PCDH9: variants seen among roughly 807,000 people sequenced by gnomAD.
The protein encoded by PCDH9 is protocadherin-9.
Under a neutral mutation model 70.6 loss-of-function variants are expected in PCDH9, and 24 were observed. The observed-to-expected ratio is 0.34, with a 90% CI of 0.25 to 0.48. PCDH9 has a LOEUF of 0.48. PCDH9 is among the 20% of genes least tolerant of loss of function. The pLI is 0.99. For synonymous variants in PCDH9, 562 were observed against 558.5 expected (o/e 1.01, Z -0.09); for missense variants, 1,281 against 1,503.6 (o/e 0.85, Z 2.45).
intron 2 of PCDH9, among the ~76,000 whole-genome samples, chr13:67,137,410 C>T (rs1427226452): frequency 6.6e-6 from 1 of 152,100 alleles, no homozygotes; most frequent in Non-Finnish European, 1.5e-5. Flanking sequence ...CCTGCTTTGT[C>T]AAGTGCAATT....
At chr13:66,549,824 G>C (rs1429923863) in intron 4 of PCDH9, among the ~76,000 whole-genome samples, 1 of 152,114 alleles carries the variant, frequency 6.6e-6, no homozygotes, top group Non-Finnish European at 1.5e-5. Context: ...GTTCCAGCCA[G>C]CCTGGGCAAA....
At chr13:66,765,550 C>T (rs1044524405) in intron 3 of PCDH9, among the ~76,000 whole-genome samples, 1 of 151,834 alleles carries the variant, frequency 6.6e-6, no homozygotes, top group African/African-American at 2.4e-5. Flanking sequence ...TTTTGTTTTG[C>T]ATGTGATGTT....
chr13:67,148,581 TA>T (rs1304899385), intron 2 of PCDH9, among the ~76,000 whole-genome samples: 1 of 152,234 alleles, frequency 6.6e-6, no homozygotes, highest in Non-Finnish European at 1.5e-5. Context: ...TTCTTTTTTT[TA>T]ATTACCACTT....
intron 4 of PCDH9, among the ~76,000 whole-genome samples, chr13:66,627,606 T>C (rs1346679455): frequency 1.3e-5 from 2 of 152,120 alleles, no homozygotes; most frequent in Non-Finnish European, 2.9e-5. Flanking sequence ...CTTCTCCACT[T>C]TCTCTTTTCT....
chr13:66,747,842 A>G (rs990488249), intron 3 of PCDH9, among the ~76,000 whole-genome samples: 1 of 152,204 alleles, frequency 6.6e-6, no homozygotes, highest in South Asian at 2.1e-4. Context: ...TAAAAATATG[A>G]CAATAATTTA....
At chr13:66,894,732 T>C (rs1272073232) in intron 3 of PCDH9, among the ~76,000 whole-genome samples, 3 of 152,172 alleles carry the variant, frequency 2.0e-5, no homozygotes, top group African/African-American at 4.8e-5. Flanking sequence ...CTATTTTAAG[T>C]TTAAAATATC....
intron 3 of PCDH9, among the ~76,000 whole-genome samples, chr13:66,636,743 T>A (rs1475199978): frequency 2.0e-5 from 3 of 152,058 alleles, no homozygotes; most frequent in Non-Finnish European, 4.4e-5. Flanking sequence ...TATGTATCTA[T>A]GTATCTATCT....
At position 66,789,791 on chromosome 13, in the gene PCDH9, T is replaced by C. The variant is rs549262741; in HGVS notation, c.3138+113713A>G. ...TTGTGAAAGGCAAGCTCCATAAGAA[T>C]AGAATTTTTGTCAGTGTTGTTTGCT... On this transcript the variant is annotated intron_variant, in intron 3 of 4. Coordinates refer to ENST00000377865, the MANE Select transcript of PCDH9 (RefSeq NM_203487.3). Among the ~76,000 whole-genome samples the C allele has an allele frequency of 3.9e-5, 6 of 152,296 alleles. No individual in the cohort carries two copies. The South Asian group carries it at 8.3e-4, about 21-fold the overall frequency.
At chr13:66,784,167 T>G (rs564967679) in intron 3 of PCDH9, among the ~76,000 whole-genome samples, 2 of 152,160 alleles carry the variant, frequency 1.3e-5, no homozygotes, top group African/African-American at 4.8e-5. Flanking sequence ...AGTACTATAA[T>G]GTTTAGCAAG....
In PCDH9 at chr13:66,794,977, G is replaced by GCGCACA. The variant is rs138730894; in HGVS notation, c.3138+108526_3138+108527insTGTGCG. Among the ~76,000 whole-genome samples the GCGCACA allele has an allele frequency of 7.3e-3, 1,069 of 147,396 alleles. 10 individuals are homozygous for GCGCACA. Among genetic ancestry groups the GCGCACA allele is most frequent in the African/African-American group, 0.025 (1,013 of 40,018 alleles). ...AACTAACCCAAACGGACACACACAG[G>GCGCACA]CACACACACACACACACACACACAC... On this transcript the variant is annotated intron_variant, in intron 3 of 4. Coordinates refer to ENST00000377865, the MANE Select transcript of PCDH9 (RefSeq NM_203487.3).
intron 4 of PCDH9, among the ~76,000 whole-genome samples, chr13:66,398,500 T>A (rs1301428249): frequency 6.6e-6 from 1 of 152,142 alleles, no homozygotes; most frequent in African/African-American, 2.4e-5. Context: ...GGTTTCTTAC[T>A]CTCTCCTTTG....
rs77495585 is a variant in PCDH9 at position 67,225,912 on chromosome 13, C to T, written c.2529G>A (p.Arg843=). The T allele has an allele frequency of 6.2e-7, 1 of 1,614,112 alleles. No homozygotes were observed. Among genetic ancestry groups the T allele is most frequent in the African/African-American group, 1.3e-5 (1 of 75,042 alleles). The change falls in exon 2 of 5, where the codon AGG becomes AGA. Residue 843 remains arginine (R), a synonymous_variant. Coordinates refer to ENST00000377865, the MANE Select transcript of PCDH9 (RefSeq NM_203487.3). Reference sequence around the variant, plus strand: ...GCTTGCTCCTCTGAGCTGCTTTGAACCTTGATGCATGGCGACAGCGCACCA... The same window carrying T: ...GCTTGCTCCTCTGAGCTGCTTTGAATCTTGATGCATGGCGACAGCGCACCA... The part of the protein sequence containing the change: ...TVLVRCRHAS[R]FKAAQRSKQG...
At chr13:66,624,901 T>C (rs531754994) in intron 4 of PCDH9, among the ~76,000 whole-genome samples, 53 of 152,190 alleles carry the variant, frequency 3.5e-4, no homozygotes, top group Non-Finnish European at 6.5e-4. Flanking sequence ...CCGAGTTTTA[T>C]ACCAGTCTGC....
At chr13:67,084,740 G>C (rs539235781) in intron 2 of PCDH9, among the ~76,000 whole-genome samples, 120 of 151,680 alleles carry the variant, frequency 7.9e-4, no homozygotes, top group African/African-American at 2.6e-3. Context: ...GTGGCTGAGG[G>C]GGGGGATCAC....
At chr13:66,961,691 T>G (rs2083348285) in intron 2 of PCDH9, among the ~76,000 whole-genome samples, 1 of 152,076 alleles carries the variant, frequency 6.6e-6, no homozygotes, top group Non-Finnish European at 1.5e-5. Flanking sequence ...AATATCAATT[T>G]TTTGGTTAGA....
chr13:67,115,867 A>T (rs1309563895), intron 2 of PCDH9, among the ~76,000 whole-genome samples: 2 of 152,210 alleles, frequency 1.3e-5, no homozygotes, highest in Non-Finnish European at 1.5e-5. Context: ...GATGATAATA[A>T]TAATATATCC....
chr13:66,448,854 C>T (rs1483780884), intron 4 of PCDH9, among the ~76,000 whole-genome samples: 1 of 143,258 alleles, frequency 7.0e-6, no homozygotes, highest in African/African-American at 2.6e-5. Context: ...TTAAGTTATG[C>T]TGCAAGAATT....
chr13:67,107,280 G>C (rs772454905), intron 2 of PCDH9, among the ~76,000 whole-genome samples: 90 of 150,922 alleles, frequency 6.0e-4, no homozygotes, highest in Non-Finnish European at 7.8e-4. Context: ...CCGAAGCATG[G>C]GGGCCGGGCT....
chr13:66,812,093 C>T (rs1482805055), intron 3 of PCDH9, among the ~76,000 whole-genome samples: 1 of 151,840 alleles, frequency 6.6e-6, no homozygotes, highest in Non-Finnish European at 1.5e-5. Context: ...CCCCTAAGTA[C>T]CCAAAGTCCA....
Sources: gnomAD v4.1 joint callset for allele counts (sites outside exome capture counted in the v4.1 genomes callset) on GRCh38, gnomAD v4.1.1 for gene constraint, MANE v1.5 for transcripts, NCBI Gene and HGNC (gene_info 2026-07-23, HGNC 2026-07-21) for gene names.